Variants in ASIC2 observed in about 807,000 individuals in gnomAD.
ASIC2 encodes the protein acid sensing ion channel subunit 2.
Under a neutral mutation model 57.3 loss-of-function variants are expected in ASIC2, and 25 were observed. The observed-to-expected ratio is 0.44, with a 90% CI of 0.32 to 0.61. The LOEUF is 0.61. ASIC2 is among the 20% of genes least tolerant of loss of function. The pLI is 0.06. For synonymous variants in ASIC2, 319 were observed against 307.5 expected, an observed-to-expected ratio of 1.04 and a Z score of -0.39; for missense variants, 641 against 738.1, an observed-to-expected ratio of 0.87 and a Z score of 1.52.
intron 1 of ASIC2, among the ~76,000 whole-genome samples, chr17:33,227,908 G>A (rs1907948572): frequency 6.6e-6 from 1 of 152,144 alleles, no homozygotes. Flanking sequence ...GTGACTCTCC[G>A]GGAACTAGGA....
intron 1 of ASIC2, among the ~76,000 whole-genome samples, chr17:34,077,740 A>G (rs1309595233): frequency 1.3e-5 from 2 of 151,912 alleles, no homozygotes; most frequent in Non-Finnish European, 2.9e-5. Context: ...CCTCCTTTTG[A>G]GCTCCAGCCC....
At chr17:34,008,633 A>G (rs1258032615) in intron 1 of ASIC2, among the ~76,000 whole-genome samples, 1 of 152,124 alleles carries the variant, frequency 6.6e-6, no homozygotes, top group African/African-American at 2.4e-5. Context: ...GAGGAGTCAT[A>G]CATATCTAGG....
At chr17:33,706,753 A>G (rs2142073111) in intron 1 of ASIC2, among the ~76,000 whole-genome samples, 1 of 152,334 alleles carries the variant, frequency 6.6e-6, no homozygotes, top group Non-Finnish European at 1.5e-5. Flanking sequence ...ATTCAAGCAC[A>G]TGAAATAATC....
At chr17:33,908,536 G>A (rs573027181) in intron 1 of ASIC2, among the ~76,000 whole-genome samples, 127 of 152,300 alleles carry the variant, frequency 8.3e-4, no homozygotes, top group Non-Finnish European at 1.3e-3. Context: ...TGATAACAGC[G>A]TCTCAGTTCC....
At chr17:33,456,086 T>C (rs1912443316) in intron 1 of ASIC2, among the ~76,000 whole-genome samples, 1 of 151,652 alleles carries the variant, frequency 6.6e-6, no homozygotes, top group African/African-American at 2.4e-5. Context: ...AACCCCCAGC[T>C]CTCATTTAGT....
intron 1 of ASIC2, among the ~76,000 whole-genome samples, chr17:33,853,544 G>A (rs1345281015): frequency 1.3e-5 from 2 of 152,198 alleles, no homozygotes; most frequent in Admixed American, 6.5e-5. Context: ...CCGTAAGGAC[G>A]ATCTCTAAGT....
intron 1 of ASIC2, among the ~76,000 whole-genome samples, chr17:33,926,735 C>T (rs868004696): frequency 2.6e-5 from 4 of 152,290 alleles, no homozygotes; most frequent in African/African-American, 4.8e-5. Context: ...TCGGGGTAAC[C>T]GAGCAGCACA....
intron 1 of ASIC2, among the ~76,000 whole-genome samples, chr17:33,242,620 A>G (rs987602036): frequency 1.3e-5 from 2 of 152,194 alleles, no homozygotes; most frequent in African/African-American, 2.4e-5. Context: ...CTCGATAAAC[A>G]TAAGAGCCTT....
chr17:33,736,362 A>C (rs540063773), intron 1 of ASIC2, among the ~76,000 whole-genome samples: 1 of 152,234 alleles, frequency 6.6e-6, no homozygotes, highest in East Asian at 1.9e-4. Context: ...TGAAAATCCC[A>C]TATTTTATCA....
chr17:33,197,346 C>T (rs967761845), intron 1 of ASIC2, among the ~76,000 whole-genome samples: 1 of 152,170 alleles, frequency 6.6e-6, no homozygotes, highest in Non-Finnish European at 1.5e-5. Context: ...CAATATTACC[C>T]GTATACATAG....
intron 1 of ASIC2, among the ~76,000 whole-genome samples, chr17:33,328,542 T>G (rs1907170685): frequency 6.6e-6 from 1 of 152,200 alleles, no homozygotes; most frequent in African/African-American, 2.4e-5. Context: ...AATCTATTTC[T>G]GCCTCTGGTG....
intron 1 of ASIC2, among the ~76,000 whole-genome samples, chr17:34,031,923 G>A (rs987642347): frequency 1.2e-4 from 18 of 152,196 alleles, no homozygotes; most frequent in Non-Finnish European, 1.6e-4. Context: ...ATGGAACCAA[G>A]TTGGAAAACA....
At chr17:33,149,486 G>A (rs1037980238) in intron 1 of ASIC2, among the ~76,000 whole-genome samples, 1 of 152,096 alleles carries the variant, frequency 6.6e-6, no homozygotes, top group Non-Finnish European at 1.5e-5. Context: ...TTTCATCATT[G>A]AGTGAAGAGG....
intron 1 of ASIC2, among the ~76,000 whole-genome samples, chr17:33,552,734 T>G (rs766492072): frequency 8.5e-5 from 13 of 152,236 alleles, no homozygotes; most frequent in Non-Finnish European, 1.9e-4. Context: ...GTGCATTTTT[T>G]GAGGTAACAA....
chr17:33,323,989 C>T (rs1029267614), intron 1 of ASIC2, among the ~76,000 whole-genome samples: 1 of 151,772 alleles, frequency 6.6e-6, no homozygotes, highest in Non-Finnish European at 1.5e-5. Context: ...TACTCTCTTA[C>T]ATATATATTA....
intron 1 of ASIC2, among the ~76,000 whole-genome samples, chr17:33,565,078 T>C (rs1916192945): frequency 6.6e-6 from 1 of 152,192 alleles, no homozygotes; most frequent in South Asian, 2.1e-4. Context: ...ATTTCCCACT[T>C]CACACCTCTG....
At chr17:33,361,741 T>A (rs1167523222) in intron 1 of ASIC2, among the ~76,000 whole-genome samples, 1 of 152,188 alleles carries the variant, frequency 6.6e-6, no homozygotes, top group Non-Finnish European at 1.5e-5. Flanking sequence ...AGGACTCCAG[T>A]TTCCTTTCCA....
chr17:34,063,172 T>G (rs1162281242), intron 1 of ASIC2, among the ~76,000 whole-genome samples: 1 of 152,172 alleles, frequency 6.6e-6, no homozygotes, highest in Non-Finnish European at 1.5e-5. Context: ...GAATCCACCA[T>G]TATCAAGTGG....
chr17:33,939,040 C>A (rs1916129361), intron 1 of ASIC2, among the ~76,000 whole-genome samples: 1 of 152,250 alleles, frequency 6.6e-6, no homozygotes, highest in Non-Finnish European at 1.5e-5. Flanking sequence ...TTCCTGCTGG[C>A]CTAGGTCCTC....
Sources: allele counts gnomAD v4.1 joint callset (sites outside exome capture counted in the v4.1 genomes callset), GRCh38; gene constraint gnomAD v4.1.1; transcripts MANE v1.5; gene names NCBI Gene and HGNC (gene_info 2026-07-23, HGNC 2026-07-21).